SSBP2: variants seen among roughly 807,000 people sequenced by gnomAD.
The protein encoded by SSBP2 is single stranded DNA binding protein 2, also known as single-stranded DNA-binding protein 2.
In SSBP2, 17 loss-of-function variants were observed where a neutral mutation model predicts 61.8. The ratio of observed to expected loss-of-function variants is 0.28; its 90% CI spans 0.19 to 0.41. The LOEUF (loss-of-function observed/expected upper bound fraction) is 0.41, where lower values mean the gene tolerates loss of function less well. SSBP2 is among the 10% of genes least tolerant of loss of function. SSBP2 has a pLI of 1.00. For synonymous variants in SSBP2, 139 were observed against 141.3 expected (o/e 0.98, Z 0.12); for missense variants, 310 against 458.7 (o/e 0.68, Z 2.96).
rs1561459441 is a variant in SSBP2, at chr5:81,488,049, A to ACAT, written c.432+1200_432+1201insATG. ...TATATATATATATATATATATATAT[A>ACAT]TATATATATAAATAAAATATCATAT... On this transcript the variant is annotated intron_variant, in intron 6 of 16. Coordinates refer to ENST00000320672, the MANE Select transcript of SSBP2 (RefSeq NM_012446.5). Among the ~76,000 whole-genome samples the ACAT allele has an allele frequency of 2.0e-4, 10 of 50,530 alleles. 2 individuals are homozygous for ACAT. Among genetic ancestry groups the ACAT allele is most frequent in the Non-Finnish European group, 3.5e-4 (10 of 28,582 alleles). 33.1% of individuals were successfully genotyped at this position (50,530 alleles called of 152,430 possible). A position where few individuals can be genotyped will look rare whatever the true frequency, so the allele number is the denominator to read the frequency against.
chr5:81,453,681 C>T (rs964828982), intron 10 of SSBP2, among the ~76,000 whole-genome samples: 1 of 152,072 alleles, frequency 6.6e-6, no homozygotes, highest in African/African-American at 2.4e-5. Context: ...TGGTCTCGAT[C>T]TCCTGACCTC....
chr5:81,610,103 C>T (rs1324224924), intron 4 of SSBP2, among the ~76,000 whole-genome samples: 1 of 152,168 alleles, frequency 6.6e-6, no homozygotes, highest in Non-Finnish European at 1.5e-5. Flanking sequence ...CACAGTCGGG[C>T]TGGGGCATGC....
chr5:81,709,807 A>G (rs1754646919), intron 1 of SSBP2, among the ~76,000 whole-genome samples: 1 of 151,990 alleles, frequency 6.6e-6, no homozygotes, highest in South Asian at 2.1e-4. Context: ...ATAAATATAT[A>G]AAAGCCATCA....
intron 15 of SSBP2, among the ~76,000 whole-genome samples, chr5:81,429,408 A>G (rs940690626): frequency 6.6e-6 from 1 of 152,178 alleles, no homozygotes; most frequent in Non-Finnish European, 1.5e-5. Flanking sequence ...GTTGCTTCAT[A>G]TTCTATTTAA....
chr5:81,583,358 A>G (rs146337631), intron 4 of SSBP2, among the ~76,000 whole-genome samples: 1,679 of 152,162 alleles, frequency 0.011, 20 homozygotes, highest in African/African-American at 0.03. Flanking sequence ...GGCTGGGCGC[A>G]GTGGCTCACG....
chr5:81,684,469 A>G (rs1752621305), intron 1 of SSBP2, among the ~76,000 whole-genome samples: 1 of 152,164 alleles, frequency 6.6e-6, no homozygotes, highest in African/African-American at 2.4e-5. Context: ...GGCAGAATAC[A>G]GGGTATTTTT....
intron 5 of SSBP2, among the ~76,000 whole-genome samples, chr5:81,503,603 C>A (rs902623333): frequency 2.1e-4 from 32 of 152,158 alleles, no homozygotes; most frequent in African/African-American, 7.7e-4. Flanking sequence ...AACAGAACTA[C>A]TATTCAACTA....
At chr5:81,749,514 C>A (rs980183287) in intron 1 of SSBP2, among the ~76,000 whole-genome samples, 10 of 152,150 alleles carry the variant, frequency 6.6e-5, no homozygotes, top group African/African-American at 2.2e-4. Context: ...TATTTCTGTG[C>A]GCAAGGTAAC....
chr5:81,459,582 A>G (rs979364245), intron 10 of SSBP2, among the ~76,000 whole-genome samples: 2 of 152,232 alleles, frequency 1.3e-5, no homozygotes, highest in Non-Finnish European at 2.9e-5. Flanking sequence ...TTTTCCATCT[A>G]GCTTCATGAG....
Position 81,640,160 on chromosome 5 carries a change from T to C in SSBP2, c.136-3542A>G, listed in dbSNP as rs189453616. ...AGGTCAGGAGTTTAAGCCAAAATGGTGAAACCCCATCTCTACTAAAAATAC... is the reference window on the plus strand; with the variant it reads ...AGGTCAGGAGTTTAAGCCAAAATGGCGAAACCCCATCTCTACTAAAAATAC... On this transcript the variant is annotated intron_variant, in intron 2 of 16. Transcript: ENST00000320672. 2.6e-3 allele frequency among the ~76,000 whole-genome samples: 388 copies of C among 151,986 alleles called. 2 individuals carry two copies. The highest frequency in any genetic ancestry group is 8.1e-3 in the African/African-American group (335 of 41,452).
chr5:81,671,214 C>A (rs151195629), intron 1 of SSBP2, among the ~76,000 whole-genome samples: 81 of 152,236 alleles, frequency 5.3e-4, no homozygotes, highest in African/African-American at 1.9e-3. Context: ...GTATGGTAAT[C>A]ATTTTTAAAA....
At chr5:81,554,069 G>A (rs1177815308) in intron 4 of SSBP2, among the ~76,000 whole-genome samples, 1 of 152,088 alleles carries the variant, frequency 6.6e-6, no homozygotes, top group African/African-American at 2.4e-5. Flanking sequence ...TAAAAAAAGA[G>A]AGTGCTTGCA....
chr5:81,556,240 T>A (rs1318590352), intron 4 of SSBP2, among the ~76,000 whole-genome samples: 1 of 152,088 alleles, frequency 6.6e-6, no homozygotes, highest in South Asian at 2.1e-4. Context: ...ACACACAATA[T>A]CAAGGACTAT....
At chr5:81,531,720 A>G (rs1207120734) in intron 4 of SSBP2, among the ~76,000 whole-genome samples, 1 of 152,140 alleles carries the variant, frequency 6.6e-6, no homozygotes, top group East Asian at 1.9e-4. Flanking sequence ...AAAGGTAGTT[A>G]AAATGAACAA....
intron 5 of SSBP2, among the ~76,000 whole-genome samples, chr5:81,508,177 C>G (rs958662792): frequency 6.6e-6 from 1 of 152,070 alleles, no homozygotes; most frequent in African/African-American, 2.4e-5. Context: ...CACACCATAC[C>G]AAGATACTGT....
At chr5:81,670,536 C>T (rs992033706) in intron 1 of SSBP2, among the ~76,000 whole-genome samples, 5 of 152,100 alleles carry the variant, frequency 3.3e-5, no homozygotes, top group African/African-American at 7.2e-5. Flanking sequence ...GTTATGTCAA[C>T]ATACTATAAC....
rs565765852 is a variant in SSBP2, at chr5:81,712,620, A to T, written c.62+38361T>A. Reference sequence around the variant, plus strand: ...GAGACTCCGTCTCAAAAAAAAAAAAAAAAATAAAGATTACAGATTTCTGGC... The same window carrying T: ...GAGACTCCGTCTCAAAAAAAAAAAATAAAATAAAGATTACAGATTTCTGGC... On this transcript the variant is annotated intron_variant, in intron 1 of 16. Transcript: ENST00000320672. Among the ~76,000 whole-genome samples, 10 of 151,488 alleles carry T rather than the reference A, an allele frequency of 6.6e-5. 3 individuals carry two copies. The South Asian group carries it at 1.5e-3, about 22-fold the overall frequency.
At chr5:81,431,261 T>C (rs903888194) in intron 15 of SSBP2, among the ~76,000 whole-genome samples, 4 of 152,204 alleles carry the variant, frequency 2.6e-5, no homozygotes, top group African/African-American at 9.6e-5. Context: ...AGATTACTTT[T>C]AGATACATTA....
At position 81,437,549 on chromosome 5, in the gene SSBP2, A is replaced by G. The variant is rs1020369248; in HGVS notation, c.929-91T>C. The G allele has an allele frequency of 3.4e-6, 4 of 1,191,676 alleles. No homozygotes were observed. In the Admixed American group the frequency reaches 6.7e-5, roughly 20 times the overall value. The allele number at this position is 1,191,676 out of a possible 1,614,324, so 73.8% of individuals were successfully genotyped here. On this transcript the variant is annotated intron_variant, in intron 14 of 16. Transcript: ENST00000320672. ...TTAATTTAAATAAGTGAAGTATACT[A>G]TATGTATTTTCCAGCATATAGCTCC...
Sources: gnomAD v4.1 joint callset for allele counts (sites outside exome capture counted in the v4.1 genomes callset) on GRCh38, gnomAD v4.1.1 for gene constraint, MANE v1.5 for transcripts, NCBI Gene and HGNC (gene_info 2026-07-23, HGNC 2026-07-21) for gene names.